The following GALNTL5 variants were observed in gnomAD, a reference collection of about 807,000 sequenced individuals.
GALNTL5 encodes the protein polypeptide N-acetylgalactosaminyltransferase like 5, also known as inactive polypeptide N-acetylgalactosaminyltransferase-like protein 5.
In GALNTL5, 44 loss-of-function variants were observed where a neutral mutation model predicts 51.0. The ratio of observed to expected loss-of-function variants is 0.86; its 90% CI spans 0.68 to 1.11. The LOEUF (loss-of-function observed/expected upper bound fraction) is 1.11, where lower values mean the gene tolerates loss of function less well. Ranked by LOEUF, GALNTL5 falls within the 50% of genes least tolerant of loss-of-function variation. The pLI is 0.00. For missense variants in GALNTL5, 528 were observed against 531.8 expected (o/e 0.99, Z 0.07); for synonymous variants, 192 against 182.8 (o/e 1.05, Z -0.41).
chr7:151,966,349 C>A (rs2081059856), intron 1 of GALNTL5, among the ~76,000 whole-genome samples: 1 of 151,828 alleles, frequency 6.6e-6, no homozygotes, highest in Non-Finnish European at 1.5e-5. Flanking sequence ...CTCACTGCAA[C>A]CTCCGCTTCC....
chr7:151,996,147 C>T (rs2081496806), intron 5 of GALNTL5, among the ~76,000 whole-genome samples: 1 of 152,056 alleles, frequency 6.6e-6, no homozygotes, highest in African/African-American at 2.4e-5. Context: ...TACGCTTAAG[C>T]ACAGATTCTC....
chr7:151,971,153 C>T, intron 3 of GALNTL5, 88 bp downstream of exon 3: 1 of 876,650 alleles, frequency 1.1e-6, no homozygotes, highest in Non-Finnish European at 1.7e-6. Context: ...AAAACAGTTA[C>T]TAACCAGATT....
Position 151,983,115 on chromosome 7 carries a change from T to C in GALNTL5, c.498T>C (p.Leu166=), listed in dbSNP as rs765805106. 1 of 1,614,186 alleles carries C rather than the reference T, an allele frequency of 6.2e-7. No homozygotes were observed. The highest frequency in any genetic ancestry group is 8.5e-7 in the Non-Finnish European group (1 of 1,180,006). Residue 166 remains leucine, a synonymous_variant, in exon 4 of 9, where the codon CTT becomes CTC. Transcript: ENST00000392800. ...CGAACCTCACGCCACACTATTTTCT[T>C]GAAGAAATTATTTTGGTAGATGACA... ...SVTNLTPHYF[L]EEIILVDDMS...
At chr7:151,987,763 C>T (rs746366460) in intron 5 of GALNTL5, among the ~76,000 whole-genome samples, 5 of 152,240 alleles carry the variant, frequency 3.3e-5, no homozygotes, top group Non-Finnish European at 7.3e-5. Context: ...TGACCCGACA[C>T]ACGTGGAGGA....
At chr7:151,959,979 A>C (rs2080972500) in intron 1 of GALNTL5, among the ~76,000 whole-genome samples, 1 of 152,072 alleles carries the variant, frequency 6.6e-6, no homozygotes, top group Admixed American at 6.5e-5. Context: ...CCCTGGATAG[A>C]AGACCAGCCA....
chr7:151,962,004 C>CTTTTTT lies in GALNTL5; in HGVS notation c.-39-5193_-39-5188dup, dbSNP rs5888458. ...ATCTGTTTCTTATGATAGTTACCTT[C>CTTTTTT]TTTTTTTTTTTTTTTTAATGGAGTC... On this transcript the variant is annotated intron_variant, in intron 1 of 8. Coordinates refer to ENST00000392800, the MANE Select transcript of GALNTL5 (RefSeq NM_145292.4). Among the ~76,000 whole-genome samples, 108 of 131,746 alleles carry CTTTTTT rather than the reference C, an allele frequency of 8.2e-4. 1 individual carries two copies. Among genetic ancestry groups the CTTTTTT allele is most frequent in the African/African-American group, 2.0e-3 (71 of 35,346 alleles). 86.4% of individuals were successfully genotyped at this position (131,746 alleles called of 152,430 possible).
intron 1 of GALNTL5, among the ~76,000 whole-genome samples, chr7:151,959,580 A>G (rs2080967178): frequency 6.6e-6 from 1 of 152,166 alleles, no homozygotes; most frequent in African/African-American, 2.4e-5. Flanking sequence ...ATGCTCCCAA[A>G]TCAAAATTTA....
At chr7:151,988,671 A>G (rs976362658) in intron 5 of GALNTL5, among the ~76,000 whole-genome samples, 5 of 151,762 alleles carry the variant, frequency 3.3e-5, no homozygotes, top group Admixed American at 2.6e-4. Flanking sequence ...ATACATATAT[A>G]TGCACGTGTG....
intron 5 of GALNTL5, among the ~76,000 whole-genome samples, chr7:152,001,430 T>C (rs2081579778): frequency 1.3e-5 from 2 of 152,192 alleles, no homozygotes; most frequent in Non-Finnish European, 2.9e-5. Context: ...TTTGATTTGA[T>C]TTTTAGTATG....
chr7:151,991,538 C>T (rs561903914), intron 5 of GALNTL5, among the ~76,000 whole-genome samples: 1 of 152,298 alleles, frequency 6.6e-6, no homozygotes, highest in Non-Finnish European at 1.5e-5. Context: ...AGTTTTCCCA[C>T]ACCGTTCATT....
At chr7:151,986,808 A>G (rs1442162619) in intron 4 of GALNTL5, among the ~76,000 whole-genome samples, 1 of 150,290 alleles carries the variant, frequency 6.7e-6, no homozygotes, top group Non-Finnish European at 1.5e-5. Context: ...GCTCACTGCA[A>G]CCTCTGCCTC....
intron 1 of GALNTL5, among the ~76,000 whole-genome samples, chr7:151,965,943 A>T (rs148578223): frequency 1.6e-4 from 25 of 152,220 alleles, no homozygotes; most frequent in Non-Finnish European, 2.5e-4. Flanking sequence ...CCATGGAGGT[A>T]ATCACTGTTA....
rs75598752 is a variant in GALNTL5 at position 152,008,838 on chromosome 7, T to C, written c.1026+894T>C. 9.1e-3 allele frequency among the ~76,000 whole-genome samples: 1,392 copies of C among 152,324 alleles called. 17 individuals are homozygous for C. Among genetic ancestry groups the C allele is most frequent in the African/African-American group, 0.033 (1,351 of 41,562 alleles). On this transcript the variant is annotated intron_variant, in intron 7 of 8. Transcript: ENST00000392800. The stretch of plus-strand genomic sequence containing the variant: ...TGCCTTTGGCGCATTTTATTCTGTT[T>C]AGTTGATTATTCCTTGTTTTATTAT...
chr7:151,983,867 C>T (rs7779108), intron 4 of GALNTL5, among the ~76,000 whole-genome samples: 126,937 of 152,146 alleles, frequency 0.83, 53,026 homozygotes, highest in Admixed American at 0.87. Context: ...TTTATGTAGT[C>T]TATGCATGAG....
chr7:151,958,132 A>G (rs560813589), intron 1 of GALNTL5, among the ~76,000 whole-genome samples: 33 of 152,280 alleles, frequency 2.2e-4, no homozygotes, highest in Admixed American at 3.9e-4. Context: ...GATTCTTTCA[A>G]TGTCACTTTG....
At chr7:152,011,882 T>C (rs1412304086) in intron 7 of GALNTL5, among the ~76,000 whole-genome samples, 1 of 152,218 alleles carries the variant, frequency 6.6e-6, no homozygotes, top group Non-Finnish European at 1.5e-5. Flanking sequence ...GCCATCATGA[T>C]GCTATGTAAT....
At chr7:151,982,886 G>C (rs757275522) in intron 3 of GALNTL5, 100 bp from the exon 4 acceptor site, 22 of 1,602,380 alleles carry the variant, frequency 1.4e-5, no homozygotes, top group Admixed American at 1.3e-4. Context: ...AAGGAGTAAA[G>C]AGTCAAAAAG....
chr7:151,989,054 G>A (rs542502081), intron 5 of GALNTL5, among the ~76,000 whole-genome samples: 18 of 152,096 alleles, frequency 1.2e-4, no homozygotes, highest in Middle Eastern at 3.4e-3. Flanking sequence ...AGACTTACTC[G>A]TTTATTTTTA....
At chr7:152,016,230 C>A (rs555814372) in intron 8 of GALNTL5, among the ~76,000 whole-genome samples, 1 of 152,100 alleles carries the variant, frequency 6.6e-6, no homozygotes, top group African/African-American at 2.4e-5. Context: ...CATGGAGAAA[C>A]GCCATCTCTA....
Sources: allele counts gnomAD v4.1 joint callset (sites outside exome capture counted in the v4.1 genomes callset), GRCh38; gene constraint gnomAD v4.1.1; transcripts MANE v1.5; gene names NCBI Gene and HGNC (gene_info 2026-07-23, HGNC 2026-07-21).